The following CFAP36 variants were observed in gnomAD, a reference collection of about 807,000 sequenced individuals.
The protein encoded by CFAP36 is cilia and flagella associated protein 36.
In CFAP36, 37 loss-of-function variants were observed where a neutral mutation model predicts 50.5. The ratio of observed to expected loss-of-function variants is 0.73; its 90% CI spans 0.56 to 0.96. CFAP36 has a LOEUF of 0.96. CFAP36 is among the 50% of genes least tolerant of loss of function. The pLI, the probability that CFAP36 is intolerant of heterozygous loss-of-function variation, is 0.00. For missense variants in CFAP36, 407 were observed against 396.2 expected (o/e 1.03, Z -0.23); for synonymous variants, 138 against 128.2 (o/e 1.08, Z -0.52).
chr2:55,519,938 G>A (rs1427401075), intron 1 of CFAP36, 22 bp downstream of exon 1: 1 of 1,607,976 alleles, frequency 6.2e-7, no homozygotes, highest in South Asian at 1.1e-5. Flanking sequence ...AGCCCGAACC[G>A]ACAATCCTTT....
chr2:55,528,991 T>C lies in CFAP36; in HGVS notation c.396T>C (p.Asn132=). 6.3e-7 allele frequency: 1 copy of C among 1,595,878 alleles called. No individual in the cohort carries two copies. The highest frequency in any genetic ancestry group is 8.5e-7 in the Non-Finnish European group (1 of 1,170,280). The change falls in exon 4 of 10, where the codon AAT becomes AAC. Residue 132 remains asparagine, a splice_region_variant and synonymous_variant. Transcript: ENST00000349456. ...CCATTCGAATAATTCAAGAGAGAAA[T>C]GGTAAAATGTTGAAGTTAGAAATCT... ...LQAIRIIQER[N]GVLPDCLTDG... is the part of the protein sequence containing the mutation.
At chr2:55,529,379 G>A (rs986333310) in intron 4 of CFAP36, among the ~76,000 whole-genome samples, 3 of 151,090 alleles carry the variant, frequency 2.0e-5, no homozygotes, top group African/African-American at 4.9e-5. Flanking sequence ...CTGAGATCGC[G>A]CCACTGCACT....
chr2:55,544,422 A>C, intron 9 of CFAP36, 53 bp downstream of exon 9: 1 of 1,548,548 alleles, frequency 6.5e-7, no homozygotes, highest in Non-Finnish European at 8.7e-7. Context: ...TGGAACTATC[A>C]AAATCAGAAT....
At position 55,544,102 on chromosome 2, in the gene CFAP36, A is replaced by G. The variant is rs770751548; in HGVS notation, c.777+28A>G. On this transcript the variant is annotated intron_variant, in intron 8 of 9. Transcript: ENST00000349456. ...AAGTAAACGACATCACTTAAGAACTATAAGCAAAATGACAAGGTACTGGGA... is the reference window on the plus strand; with the variant it reads ...AAGTAAACGACATCACTTAAGAACTGTAAGCAAAATGACAAGGTACTGGGA... 12 of 1,612,566 alleles carry G rather than the reference A, an allele frequency of 7.4e-6. No individual in the cohort carries two copies. In the South Asian group the frequency reaches 7.7e-5, roughly 10 times the overall value.
chr2:55,521,951 T>C (rs1230448611), intron 1 of CFAP36, 151 bp from the exon 2 acceptor site: 3 of 487,404 alleles, frequency 6.2e-6, no homozygotes, highest in African/African-American at 6.0e-5. Flanking sequence ...TTTTTAGATA[T>C]ATTCATTTAT....
chr2:55,537,232 G>A (rs1684511917), intron 6 of CFAP36, among the ~76,000 whole-genome samples: 3 of 152,184 alleles, frequency 2.0e-5, no homozygotes, highest in South Asian at 4.2e-4. Context: ...TTAGCCGAGC[G>A]TGGTAGTGCA....
At chr2:55,525,701 G>A (rs1684190858) in intron 3 of CFAP36, among the ~76,000 whole-genome samples, 1 of 151,936 alleles carries the variant, frequency 6.6e-6, no homozygotes, top group African/African-American at 2.4e-5. Flanking sequence ...CACAATCTCG[G>A]CTCACTGCAA....
At chr2:55,533,607 A>G (rs1040407083) in intron 4 of CFAP36, among the ~76,000 whole-genome samples, 6 of 151,736 alleles carry the variant, frequency 4.0e-5, no homozygotes, top group Non-Finnish European at 8.8e-5. Flanking sequence ...AGGCAGGAGA[A>G]TCGCTTGAAG....
intron 3 of CFAP36, 64 bp downstream of exon 3, chr2:55,523,886 C>T: frequency 2.0e-6 from 2 of 986,868 alleles, no homozygotes; most frequent in South Asian, 3.9e-5. Context: ...TAAACACTCA[C>T]TTAAATTTGA....
At chr2:55,533,688 C>G (rs982741477) in intron 4 of CFAP36, among the ~76,000 whole-genome samples, 185 bp from the exon 5 acceptor site, 1 of 91,218 alleles carries the variant, frequency 1.1e-5, no homozygotes, top group Admixed American at 1.4e-4. Flanking sequence ...GAAAGAGACT[C>G]TGTCTCAAAA....
At chr2:55,530,226 T>C (rs1038223033) in intron 4 of CFAP36, among the ~76,000 whole-genome samples, 2 of 152,176 alleles carry the variant, frequency 1.3e-5, no homozygotes, top group Admixed American at 1.3e-4. Context: ...ACAAGCTCTC[T>C]CTTTGCCTGC....
chr2:55,529,759 G>A (rs919413163), intron 4 of CFAP36, among the ~76,000 whole-genome samples: 1 of 149,496 alleles, frequency 6.7e-6, no homozygotes, highest in Non-Finnish European at 1.5e-5. Flanking sequence ...CCATTCTCCT[G>A]CCTCAGCCTT....
intron 2 of CFAP36, among the ~76,000 whole-genome samples, chr2:55,522,724 G>A (rs1421825294): frequency 6.6e-6 from 1 of 152,100 alleles, no homozygotes; most frequent in African/African-American, 2.4e-5. Flanking sequence ...GAGCTCAAGT[G>A]ATCCACCTGC....
chr2:55,539,735 A>G (rs992220485), intron 7 of CFAP36, among the ~76,000 whole-genome samples: 1 of 152,236 alleles, frequency 6.6e-6, no homozygotes, highest in Admixed American at 6.5e-5. Flanking sequence ...TTGCATTTCC[A>G]TAGCAGTGAA....
intron 3 of CFAP36, among the ~76,000 whole-genome samples, chr2:55,528,607 G>A (rs966219507): frequency 1.3e-5 from 2 of 151,986 alleles, no homozygotes; most frequent in Non-Finnish European, 2.9e-5. Context: ...TGTTGGCTAG[G>A]CTAATCTTGA....
intron 3 of CFAP36, among the ~76,000 whole-genome samples, chr2:55,527,209 T>C (rs565243979): frequency 1.3e-5 from 2 of 152,296 alleles, no homozygotes; most frequent in East Asian, 1.9e-4. Flanking sequence ...TACATGATTA[T>C]AGTTGGAGAC....
intron 4 of CFAP36, 38 bp downstream of exon 4, chr2:55,529,030 A>ATT: frequency 2.2e-6 from 3 of 1,376,656 alleles, no homozygotes; most frequent in Middle Eastern, 1.8e-4. Flanking sequence ...TACTAAATGC[A>ATT]TTTTTTTTTA....
At chr2:55,519,944 C>G (rs766469429) in intron 1 of CFAP36, 28 bp downstream of exon 1, 1 of 1,600,894 alleles carries the variant, frequency 6.2e-7, no homozygotes, top group Admixed American at 1.7e-5. Context: ...AACCGACAAT[C>G]CTTTTCTCCT....
chr2:55,535,202 C>T (rs1684449905), intron 5 of CFAP36, among the ~76,000 whole-genome samples: 1 of 152,092 alleles, frequency 6.6e-6, no homozygotes, highest in Non-Finnish European at 1.5e-5. Context: ...TAACAGTTGA[C>T]CTTGGTTACT....
Sources: allele counts gnomAD v4.1 joint callset (sites outside exome capture counted in the v4.1 genomes callset), GRCh38; gene constraint gnomAD v4.1.1; transcripts MANE v1.5; gene names NCBI Gene and HGNC (gene_info 2026-07-23, HGNC 2026-07-21).